KCNN2: variants seen among roughly 807,000 people sequenced by gnomAD.
The protein encoded by KCNN2 is potassium calcium-activated channel subfamily N member 2, also known as small conductance calcium-activated potassium channel protein 2.
Under a neutral mutation model 55.5 loss-of-function variants are expected in KCNN2, and 24 were observed. That is an observed-to-expected ratio of 0.43 (90% CI 0.31 to 0.61). KCNN2 has a LOEUF of 0.61. Ranked by LOEUF, KCNN2 falls within the 20% of genes least tolerant of loss-of-function variation. KCNN2 has a pLI of 0.08. For synonymous variants in KCNN2, 431 were observed against 336.1 expected (o/e 1.28, Z -3.09); for missense variants, 754 against 853.6 (o/e 0.88, Z 1.45).
At chr5:114,055,997 C>T (rs1750196127), upstream of KCNN2, 1 of 201,560 alleles carries the variant, frequency 5.0e-6, no homozygotes, top group Non-Finnish European at 9.9e-6. Flanking sequence ...GTCGGCGATA[C>T]CCTGAGCATT....
chr5:114,424,077 T>C (rs1455706091), intron 3 of KCNN2, among the ~76,000 whole-genome samples: 2 of 152,228 alleles, frequency 1.3e-5, no homozygotes, highest in Non-Finnish European at 2.9e-5. Context: ...CCAAATTCTT[T>C]CTTGGTGATG....
chr5:114,246,679 G>C (rs6865389), intron 2 of KCNN2, among the ~76,000 whole-genome samples: 120,801 of 151,506 alleles, frequency 0.8, 48,468 homozygotes, highest in East Asian at 0.9. Context: ...TATGTCCATA[G>C]TTGGTTGGTT....
At chr5:114,303,521 A>C (rs192369008) in intron 2 of KCNN2, among the ~76,000 whole-genome samples, 4 of 152,328 alleles carry the variant, frequency 2.6e-5, no homozygotes, top group Admixed American at 1.3e-4. Flanking sequence ...TTGCACGCCA[A>C]ACCAAAGAGC....
At chr5:114,351,238 T>C (rs1561581100) in intron 2 of KCNN2, among the ~76,000 whole-genome samples, 1 of 150,672 alleles carries the variant, frequency 6.6e-6, no homozygotes, top group Non-Finnish European at 1.5e-5. Flanking sequence ...GAAATTTCAT[T>C]TTTAGGTTGT....
chr5:114,185,466 A>G (rs1300954239), intron 1 of KCNN2, among the ~76,000 whole-genome samples: 2 of 152,232 alleles, frequency 1.3e-5, no homozygotes, highest in East Asian at 1.9e-4. Context: ...CATTTGCAGC[A>G]GGGAGGAGCC....
chr5:114,272,046 A>C (rs1755349112), intron 2 of KCNN2, among the ~76,000 whole-genome samples: 1 of 152,144 alleles, frequency 6.6e-6, no homozygotes, highest in African/African-American at 2.4e-5. Context: ...TTTGAATAAA[A>C]ATAATTTTCT....
intron 3 of KCNN2, among the ~76,000 whole-genome samples, chr5:114,408,335 C>T (rs554676087): frequency 6.6e-6 from 1 of 152,018 alleles, no homozygotes; most frequent in Admixed American, 6.5e-5. Flanking sequence ...GAGCTGAGGC[C>T]AGCATGTTTG....
intron 2 of KCNN2, among the ~76,000 whole-genome samples, chr5:114,282,492 ATT>A (rs1309237696): frequency 3.3e-5 from 5 of 152,024 alleles, no homozygotes; most frequent in Admixed American, 2.0e-4. Context: ...AATCATATTT[ATT>A]GTCTTTTATT....
At chr5:114,434,889 C>G (rs906560047) in intron 3 of KCNN2, among the ~76,000 whole-genome samples, 1 of 152,132 alleles carries the variant, frequency 6.6e-6, no homozygotes, top group Non-Finnish European at 1.5e-5. Flanking sequence ...GTGTTTTAGG[C>G]TCTGGTGAAA....
chr5:114,182,180 T>G (rs1265000061), intron 1 of KCNN2, among the ~76,000 whole-genome samples: 1 of 152,140 alleles, frequency 6.6e-6, no homozygotes, highest in Non-Finnish European at 1.5e-5. Flanking sequence ...GAATTATCAA[T>G]CTACTTCTGA....
At chr5:114,066,664 C>A (rs1249258160) in intron 1 of KCNN2, among the ~76,000 whole-genome samples, 2 of 152,208 alleles carry the variant, frequency 1.3e-5, no homozygotes, top group African/African-American at 4.8e-5. Flanking sequence ...ACTGCAACCT[C>A]TGCCTCCTGG....
intron 1 of KCNN2, among the ~76,000 whole-genome samples, chr5:114,163,584 A>G (rs1185031995): frequency 6.6e-6 from 1 of 152,192 alleles, no homozygotes; most frequent in Non-Finnish European, 1.5e-5. Context: ...TATTACCCTC[A>G]AGTCCATTTT....
At chr5:114,241,637 AT>A (rs1442835871) in intron 2 of KCNN2, among the ~76,000 whole-genome samples, 1 of 149,532 alleles carries the variant, frequency 6.7e-6, no homozygotes, top group Admixed American at 6.7e-5. Context: ...CAAAAACGTA[AT>A]CTATGTTAAA....
At chr5:114,237,658 TGAAACAC>T (rs1754531145) in intron 2 of KCNN2, among the ~76,000 whole-genome samples, 1 of 152,214 alleles carries the variant, frequency 6.6e-6, no homozygotes, top group Non-Finnish European at 1.5e-5. Flanking sequence ...ATCTAAAGTT[TGAAACAC>T]ACTGGCACAG....
intron 2 of KCNN2, among the ~76,000 whole-genome samples, chr5:114,229,899 G>C (rs927161074): frequency 1.3e-5 from 2 of 152,070 alleles, no homozygotes; most frequent in African/African-American, 4.8e-5. Context: ...CCCTAGAAAT[G>C]GACTTAAGCC....
chr5:114,377,610 G>T (rs1277922077), intron 2 of KCNN2, among the ~76,000 whole-genome samples: 3 of 152,120 alleles, frequency 2.0e-5, no homozygotes, highest in Admixed American at 1.3e-4. Context: ...GAAGCCCGAG[G>T]GACGCCTTCT....
chr5:114,357,237 A>C (rs1358756631), upstream of KCNN2, among the ~76,000 whole-genome samples: 1 of 152,078 alleles, frequency 6.6e-6, no homozygotes, highest in South Asian at 2.1e-4. Context: ...GAGAATTATG[A>C]ACAATGGCAT....
chr5:114,058,457 C>T (rs566530593), intron 1 of KCNN2, among the ~76,000 whole-genome samples: 3 of 152,032 alleles, frequency 2.0e-5, no homozygotes, highest in Admixed American at 6.6e-5. Context: ...ATGCTTGTTA[C>T]GTTATTAAAA....
chr5:114,178,940 G>A (rs1220131666), intron 1 of KCNN2, among the ~76,000 whole-genome samples: 1 of 152,088 alleles, frequency 6.6e-6, no homozygotes, highest in South Asian at 2.1e-4. Context: ...AGTTTAAGAG[G>A]GAATATGAAT....
Sources: gnomAD v4.1 joint callset for allele counts (sites outside exome capture counted in the v4.1 genomes callset) on GRCh38, gnomAD v4.1.1 for gene constraint, MANE v1.5 for transcripts, NCBI Gene and HGNC (gene_info 2026-07-23, HGNC 2026-07-21) for gene names.